RBFOX1: variants seen among roughly 807,000 people sequenced by gnomAD.
RBFOX1 encodes the protein RNA binding protein fox-1 homolog 1.
A neutral mutation model predicts 57.7 loss-of-function variants in RBFOX1; 8 were observed. That is an observed-to-expected ratio of 0.14 (90% CI 0.08 to 0.25). The LOEUF (loss-of-function observed/expected upper bound fraction) is 0.25, where lower values mean the gene tolerates loss of function less well. RBFOX1 is among the 10% of genes least tolerant of loss of function. RBFOX1 has a pLI of 1.00. For missense variants in RBFOX1, 611 were observed against 548.5 expected (o/e 1.11, Z -1.14); for synonymous variants, 326 against 222.4 (o/e 1.47, Z -4.15).
At chr16:7,245,332 A>AT (rs1307075593) in intron 4 of RBFOX1, among the ~76,000 whole-genome samples, 2 of 151,802 alleles carry the variant, frequency 1.3e-5, no homozygotes, top group Non-Finnish European at 1.5e-5. Context: ...TTTAAATTTT[A>AT]TTTTAGGTTC....
At chr16:7,089,594 TA>T (rs2060495576) in intron 4 of RBFOX1, among the ~76,000 whole-genome samples, 1 of 152,210 alleles carries the variant, frequency 6.6e-6, no homozygotes, top group East Asian at 1.9e-4. Context: ...TCTGAGTTGT[TA>T]AGTAGTGTCT....
At position 6,232,444 on chromosome 16, in the gene RBFOX1, A is replaced by G. The variant is rs76591098; in HGVS notation, c.-126-84551A>G. ...AATGTTTCAGCATTTTTTTCCTAAC[A>G]TGACAGCCCTTTGGGGATCCTGGTG... On this transcript the variant is annotated intron_variant, in intron 1 of 15. Transcript: ENST00000550418. 9.9e-5 allele frequency among the ~76,000 whole-genome samples: 15 copies of G among 152,272 alleles called. No individual in the cohort carries two copies. In the East Asian group the frequency reaches 2.3e-3, roughly 24 times the overall value.
At chr16:5,569,571 C>G (rs1281237459) in intron 2 of RBFOX1, among the ~76,000 whole-genome samples, 1 of 147,756 alleles carries the variant, frequency 6.8e-6, no homozygotes, top group African/African-American at 2.5e-5. Context: ...TGGATACATA[C>G]CATCCCCATT....
intron 3 of RBFOX1, among the ~76,000 whole-genome samples, chr16:5,629,497 C>T (rs192329651): frequency 2.7e-4 from 41 of 152,330 alleles, no homozygotes; most frequent in Admixed American, 2.7e-3. Flanking sequence ...AAGAGGGCTT[C>T]ATGGACCATT....
At chr16:7,255,470 C>G (rs767977768) in intron 4 of RBFOX1, among the ~76,000 whole-genome samples, 5 of 152,144 alleles carry the variant, frequency 3.3e-5, no homozygotes, top group Non-Finnish European at 5.9e-5. Context: ...TAAACATGCA[C>G]TTTAAAAATA....
chr16:6,915,151 G>T (rs778933334), intron 3 of RBFOX1, among the ~76,000 whole-genome samples: 3 of 152,132 alleles, frequency 2.0e-5, no homozygotes, highest in Non-Finnish European at 4.4e-5. Context: ...CTCCAGACTC[G>T]GGGTCAAGGC....
chr16:6,838,936 ATTTTT>A (rs529600366), intron 3 of RBFOX1, among the ~76,000 whole-genome samples: 2 of 148,146 alleles, frequency 1.4e-5, no homozygotes, highest in African/African-American at 4.9e-5. Flanking sequence ...CTGGTTTTTG[ATTTTT>A]TTTTTTAAGA....
At chr16:6,841,311 G>A (rs191111399) in intron 3 of RBFOX1, among the ~76,000 whole-genome samples, 1 of 152,178 alleles carries the variant, frequency 6.6e-6, no homozygotes, top group Non-Finnish European at 1.5e-5. Context: ...TTGTTTACAT[G>A]TTTGTGGTTT....
At chr16:5,427,660 C>T (rs1347399669) in intron 1 of RBFOX1, among the ~76,000 whole-genome samples, 2 of 152,068 alleles carry the variant, frequency 1.3e-5, no homozygotes, top group African/African-American at 2.4e-5. Flanking sequence ...AGGCTGGAGG[C>T]TCAGGACATA....
chr16:6,235,202 G>C (rs1367637124), intron 1 of RBFOX1, among the ~76,000 whole-genome samples: 1 of 152,010 alleles, frequency 6.6e-6, no homozygotes, highest in Non-Finnish European at 1.5e-5. Context: ...CTGCTGACCT[G>C]TCCACCTGGC....
intron 4 of RBFOX1, among the ~76,000 whole-genome samples, chr16:7,295,764 A>C (rs546052065): frequency 3.8e-4 from 58 of 152,096 alleles, no homozygotes; most frequent in African/African-American, 1.3e-3. Context: ...CCCCATCGCA[A>C]CTCCATATTT....
intron 3 of RBFOX1, among the ~76,000 whole-genome samples, chr16:6,661,228 A>C (rs79915963): frequency 0.021 from 3,129 of 152,332 alleles, 42 homozygotes; most frequent in Non-Finnish European, 0.033. Flanking sequence ...AGAGACTTAC[A>C]AGACTTGAGT....
At chr16:5,420,180 A>C (rs2067274617) in intron 1 of RBFOX1, among the ~76,000 whole-genome samples, 1 of 152,156 alleles carries the variant, frequency 6.6e-6, no homozygotes, top group Admixed American at 6.5e-5. Context: ...ACCCAAAATA[A>C]TGCAATGCTG....
chr16:6,624,125 G>C (rs1409088682), intron 2 of RBFOX1, among the ~76,000 whole-genome samples: 1 of 152,076 alleles, frequency 6.6e-6, no homozygotes, highest in Non-Finnish European at 1.5e-5. Context: ...GACAACACTG[G>C]AAAAACAAAA....
intron 11 of RBFOX1, 119 bp from the exon 12 acceptor site, chr16:7,653,696 G>A (rs1353283672): frequency 9.2e-6 from 13 of 1,417,472 alleles, no homozygotes; most frequent in East Asian, 2.5e-5. Context: ...TCCGGGAAGC[G>A]GGCGGGGGTC....
chr16:5,868,380 A>C (rs1468997211), intron 4 of RBFOX1, among the ~76,000 whole-genome samples: 1 of 152,148 alleles, frequency 6.6e-6, no homozygotes, highest in Admixed American at 6.5e-5. Flanking sequence ...AGAAATTGCA[A>C]CCTCAGGCAT....
chr16:7,218,077 G>GTC (rs1033531661), intron 4 of RBFOX1, among the ~76,000 whole-genome samples: 2 of 113,426 alleles, frequency 1.8e-5, no homozygotes, highest in African/African-American at 9.8e-5. Flanking sequence ...GTGTGTGTGC[G>GTC]TCTGTGTGTG....
chr16:7,242,056 G>T (rs113245569), intron 4 of RBFOX1, among the ~76,000 whole-genome samples: 1,749 of 152,018 alleles, frequency 0.012, 20 homozygotes, highest in Middle Eastern at 0.02. Context: ...ATTACCATAG[G>T]CACCTCAGTG....
Position 6,049,564 on chromosome 16 carries a change from GAAGGTTTTTTTCC to G in RBFOX1, c.-127+29573_-127+29585del, listed in dbSNP as rs548870127. Among the ~76,000 whole-genome samples the G allele has an allele frequency of 3.2e-3, 483 of 152,264 alleles. 5 individuals carry two copies. Among genetic ancestry groups the G allele is most frequent in the African/African-American group, 0.011 (461 of 41,562 alleles). On this transcript the variant is annotated intron_variant, in intron 1 of 15. Coordinates refer to ENST00000550418, the MANE Select transcript of RBFOX1 (RefSeq NM_018723.4). ...TTCAGGTTGCATCTCTAAAGGATAA[GAAGGTTTTTTTCC>G]TAACACCTGTAATATCTACTAACAA...
Sources: allele counts gnomAD v4.1 joint callset (sites outside exome capture counted in the v4.1 genomes callset), GRCh38; gene constraint gnomAD v4.1.1; transcripts MANE v1.5; gene names NCBI Gene and HGNC (gene_info 2026-07-23, HGNC 2026-07-21).